GALNT17: variants seen among roughly 807,000 people sequenced by gnomAD.
GALNT17 encodes UDP-GalNAc:polypeptide N-acetylgalactosaminyltransferase-like 3.
In GALNT17, 29 loss-of-function variants were observed where a neutral mutation model predicts 63.7. The observed-to-expected ratio is 0.46, with a 90% CI of 0.34 to 0.62. The LOEUF (loss-of-function observed/expected upper bound fraction) is 0.62. Among genes scored for constraint, GALNT17 ranks in the 20% least tolerant of loss-of-function variants. GALNT17 has a pLI of 0.01. For synonymous variants in GALNT17, 305 were observed against 318.3 expected (o/e 0.96, Z 0.45); for missense variants, 603 against 799.6 (o/e 0.75, Z 2.97).
Position 71,193,106 on chromosome 7 carries a change from T to C in GALNT17, c.238+60066T>C, listed in dbSNP as rs1274659238. 7.7e-5 allele frequency among the ~76,000 whole-genome samples: 11 copies of C among 143,042 alleles called. No homozygotes were observed. In the South Asian group the frequency reaches 2.3e-3, roughly 30 times the overall value. 93.8% of individuals were successfully genotyped at this position (143,042 alleles called of 152,430 possible). ...TTATTTATTTATTTATTTATTTATT[T>C]ATTTATTTTTGAGACAGGGTCTTGC... On this transcript the variant is annotated intron_variant, in intron 1 of 10. Transcript: ENST00000333538.
chr7:71,601,302 G>A (rs1032334155), intron 6 of GALNT17, among the ~76,000 whole-genome samples: 3 of 152,134 alleles, frequency 2.0e-5, no homozygotes, highest in African/African-American at 7.2e-5. Flanking sequence ...GATAACAGTA[G>A]TGGGACTGCT....
At chr7:71,676,859 G>T (rs1450630746) in intron 8 of GALNT17, among the ~76,000 whole-genome samples, 1 of 152,134 alleles carries the variant, frequency 6.6e-6, no homozygotes, top group Non-Finnish European at 1.5e-5. Context: ...AAGCTTAGAA[G>T]CCACTTAGAA....
chr7:71,279,766 C>A (rs371772419), intron 1 of GALNT17, among the ~76,000 whole-genome samples: 1 of 150,168 alleles, frequency 6.7e-6, no homozygotes. Context: ...GCTGGAGGAA[C>A]GAAGCGAAAT....
intron 5 of GALNT17, among the ~76,000 whole-genome samples, chr7:71,462,549 A>G (rs1787469365): frequency 6.6e-6 from 1 of 152,166 alleles, no homozygotes; most frequent in Admixed American, 6.5e-5. Context: ...CATGTGCCCA[A>G]GGTGGTCGGG....
At chr7:71,667,758 G>T (rs2117050980) in intron 7 of GALNT17, among the ~76,000 whole-genome samples, 1 of 152,000 alleles carries the variant, frequency 6.6e-6, no homozygotes, top group Non-Finnish European at 1.5e-5. Context: ...CCAGCCCTGT[G>T]AAATAGTGAA....
chr7:71,609,474 A>G (rs796155503), intron 6 of GALNT17, among the ~76,000 whole-genome samples: 1 of 152,238 alleles, frequency 6.6e-6, no homozygotes, highest in Non-Finnish European at 1.5e-5. Flanking sequence ...CACCATTCTT[A>G]ACTCACAGCA....
chr7:71,134,610 T>G (rs1787747100), intron 1 of GALNT17, among the ~76,000 whole-genome samples: 1 of 152,106 alleles, frequency 6.6e-6, no homozygotes, highest in South Asian at 2.1e-4. Context: ...CCCACGGAAG[T>G]TATGCAGAAG....
intron 1 of GALNT17, among the ~76,000 whole-genome samples, chr7:71,227,974 C>T (rs1213955551): frequency 6.6e-6 from 1 of 152,076 alleles, no homozygotes; most frequent in African/African-American, 2.4e-5. Context: ...ATGCCTTCTT[C>T]CCTGGATATG....
At chr7:71,400,835 AG>A (rs1356063526) in intron 3 of GALNT17, among the ~76,000 whole-genome samples, 1 of 152,240 alleles carries the variant, frequency 6.6e-6, no homozygotes, top group Non-Finnish European at 1.5e-5. Context: ...GAGGACCCCC[AG>A]GGTCCCTGCT....
chr7:71,516,369 T>C (rs559355617), intron 5 of GALNT17, among the ~76,000 whole-genome samples: 28 of 152,332 alleles, frequency 1.8e-4, no homozygotes, highest in African/African-American at 6.7e-4. Context: ...AGATTAGGAC[T>C]TGAGTCACAC....
chr7:71,693,355 C>T, intron 9 of GALNT17, among the ~76,000 whole-genome samples: 1 of 144,214 alleles, frequency 6.9e-6, no homozygotes. Flanking sequence ...ATGTGAGATC[C>T]TGGGTTGGAT....
chr7:71,135,829 CTG>C (rs1183335104), intron 1 of GALNT17, among the ~76,000 whole-genome samples: 1 of 152,228 alleles, frequency 6.6e-6, no homozygotes, highest in African/African-American at 2.4e-5. Context: ...GCTTCCTTCT[CTG>C]TGGCCTTCTG....
intron 9 of GALNT17, among the ~76,000 whole-genome samples, chr7:71,701,810 TATATACACATATATATACAC>T (rs1791641270): frequency 2.6e-4 from 3 of 11,458 alleles, no homozygotes; most frequent in Non-Finnish European, 4.0e-4. Context: ...TGTGTATATA[TATATACACATATATATACAC>T]ATATATATAT....
intron 6 of GALNT17, among the ~76,000 whole-genome samples, chr7:71,636,133 A>G (rs148710322): frequency 6.6e-6 from 1 of 152,296 alleles, no homozygotes; most frequent in Non-Finnish European, 1.5e-5. Flanking sequence ...CATTTGGGGT[A>G]TATCCATCAT....
At chr7:71,406,320 T>C (rs569867426) in intron 3 of GALNT17, among the ~76,000 whole-genome samples, 11 of 152,326 alleles carry the variant, frequency 7.2e-5, no homozygotes, top group Non-Finnish European at 1.2e-4. Flanking sequence ...AGCTTCCGCA[T>C]TGGGCCCCTT....
chr7:71,534,846 ACT>A (rs1788779045), intron 5 of GALNT17, among the ~76,000 whole-genome samples: 1 of 151,934 alleles, frequency 6.6e-6, no homozygotes, highest in Admixed American at 6.6e-5. Context: ...TAACGTATTG[ACT>A]CTCACAATCT....
chr7:71,605,061 G>A (rs1244398876), intron 6 of GALNT17, among the ~76,000 whole-genome samples: 1 of 152,056 alleles, frequency 6.6e-6, no homozygotes, highest in African/African-American at 2.4e-5. Context: ...AATGCTTTGG[G>A]GCTGTCCCTT....
At chr7:71,366,825 A>G (rs1254645026) in intron 2 of GALNT17, among the ~76,000 whole-genome samples, 2 of 152,200 alleles carry the variant, frequency 1.3e-5, no homozygotes, top group Non-Finnish European at 2.9e-5. Flanking sequence ...CTCCCTAGGT[A>G]AGACCAGTCT....
intron 5 of GALNT17, among the ~76,000 whole-genome samples, chr7:71,540,612 T>G (rs1788873332): frequency 1.3e-5 from 2 of 148,174 alleles, no homozygotes; most frequent in African/African-American, 2.6e-5. Context: ...TTTTGTGTTG[T>G]TTTTTTTTCC....
Sources: gnomAD v4.1 joint callset for allele counts (sites outside exome capture counted in the v4.1 genomes callset) on GRCh38, gnomAD v4.1.1 for gene constraint, MANE v1.5 for transcripts, NCBI Gene and HGNC (gene_info 2026-07-23, HGNC 2026-07-21) for gene names.